DNAH7: variants seen among roughly 807,000 people sequenced by gnomAD.
The protein encoded by DNAH7 is dynein axonemal heavy chain 7, also known as axonemal beta dynein heavy chain 7.
Under a neutral mutation model 444.6 loss-of-function variants are expected in DNAH7, and 397 were observed. That is an observed-to-expected ratio of 0.89 (90% CI 0.82 to 0.97). DNAH7 has a LOEUF of 0.97. DNAH7 is among the 50% of genes least tolerant of loss of function. The probability of loss-of-function intolerance (pLI) is 0.00; values close to 1 mark genes in which losing one functional copy is unlikely to be tolerated. For synonymous variants in DNAH7, 1,636 were observed against 1,624.4 expected, an observed-to-expected ratio of 1.01 and a Z score of -0.17; for missense variants, 4,902 against 4,800.8, an observed-to-expected ratio of 1.02 and a Z score of -0.62.
chr2:195,976,197 C>T (rs1692175111), intron 15 of DNAH7, among the ~76,000 whole-genome samples: 1 of 151,642 alleles, frequency 6.6e-6, no homozygotes, highest in African/African-American at 2.4e-5. Flanking sequence ...GGGGAGCCCA[C>T]TTTTGTGAAA....
At chr2:195,873,723 A>C (rs776024828) in intron 38 of DNAH7, 29 bp from the exon 39 acceptor site, 2 of 1,482,260 alleles carry the variant, frequency 1.3e-6, no homozygotes, top group Admixed American at 5.1e-5. Flanking sequence ...AACTCTTAAT[A>C]ATGTTACTAG....
chr2:195,905,891 C>G (rs1686984673), intron 27 of DNAH7: 1 of 151,866 alleles, frequency 6.6e-6, no homozygotes, highest in Admixed American at 6.6e-5. Context: ...TATCTTAGTC[C>G]CATGACTCCA....
At chr2:196,024,401 A>T in intron 8 of DNAH7, 28 bp downstream of exon 8, 2 of 1,482,114 alleles carry the variant, frequency 1.3e-6, no homozygotes, top group Non-Finnish European at 1.8e-6. Flanking sequence ...CACATAATCA[A>T]CATTCTTAGA....
At chr2:195,756,364 T>C in intron 61 of DNAH7, 79 bp from the exon 62 acceptor site, 2 of 1,217,786 alleles carry the variant, frequency 1.6e-6, no homozygotes, top group African/African-American at 3.1e-5. Context: ...AAATACCTCC[T>C]TCATGATTAT....
chr2:195,873,232 T>G (rs1007842650), intron 39 of DNAH7, among the ~76,000 whole-genome samples: 2 of 152,206 alleles, frequency 1.3e-5, no homozygotes, highest in East Asian at 1.9e-4. Context: ...CTTCTCAGAC[T>G]TGGACACGAA....
intron 54 of DNAH7, among the ~76,000 whole-genome samples, chr2:195,805,443 T>C (rs989462558): frequency 2.0e-5 from 3 of 152,100 alleles, no homozygotes; most frequent in Non-Finnish European, 2.9e-5. Context: ...AAGTGAAAAC[T>C]TGTGAGGCTT....
chr2:196,066,092 T>C (rs1698413877), intron 1 of DNAH7, among the ~76,000 whole-genome samples: 1 of 152,230 alleles, frequency 6.6e-6, no homozygotes, highest in African/African-American at 2.4e-5. Flanking sequence ...TTAAATAGCC[T>C]GGCTTTGCAT....
At position 195,894,976 on chromosome 2, in the gene DNAH7, CT is replaced by C; in HGVS notation, c.4895del (p.Lys1632ArgfsTer3). On this transcript the variant is annotated frameshift_variant and splice_region_variant, in exon 30 of 65. Coordinates refer to ENST00000312428, the MANE Select transcript of DNAH7 (RefSeq NM_018897.3). LOFTEE classifies it high-confidence loss of function. Reference protein sequence around the residue: ...LAGALNDICEKGLMEENKVQI... With the variant: ...LAGALNDICEXGLMEENKVQI... The stretch of plus-strand genomic sequence containing the variant: ...ATTAATGCATTAATAATATACTTGC[CT>C]TTTCACATATATCATTTAGTGCTCC... The C allele has an allele frequency of 6.3e-7, 1 of 1,597,862 alleles. No individual in the cohort carries two copies. Among genetic ancestry groups the C allele is most frequent in the Non-Finnish European group, 8.5e-7 (1 of 1,170,558 alleles).
chr2:195,984,327 C>A (rs1692765650), intron 15 of DNAH7, among the ~76,000 whole-genome samples: 1 of 152,070 alleles, frequency 6.6e-6, no homozygotes, highest in African/African-American at 2.4e-5. Flanking sequence ...TTTTGAAAGT[C>A]ATTATTATTT....
chr2:195,785,339 G>T (rs1320659984), intron 58 of DNAH7, among the ~76,000 whole-genome samples: 2 of 152,152 alleles, frequency 1.3e-5, no homozygotes, highest in Non-Finnish European at 2.9e-5. Context: ...GTCTGTGTGT[G>T]TGTGTGTTTT....
chr2:196,000,736 G>A lies in DNAH7; in HGVS notation c.1321C>T (p.Pro441Ser), dbSNP rs749408055. ...GAATACAATTTTGTCTCAACTCTTG[G>A]CACAAAACTGACAGCTTTAATCATG... ...DVMIKAVSFV[P>S]RVETKLYSKW... The change falls in exon 12 of 65, where the codon CCA becomes TCA. Residue 441 changes from proline to serine, a missense_variant. By Grantham distance (74) the Pro-to-Ser change is moderately conservative. Transcript: ENST00000312428. The A allele has an allele frequency of 3.2e-6, 5 of 1,584,756 alleles. No individual in the cohort carries two copies. The highest frequency in any genetic ancestry group is 3.4e-6 in the Non-Finnish European group (4 of 1,165,860).
At chr2:195,970,713 T>C (rs1463000794) in intron 16 of DNAH7, among the ~76,000 whole-genome samples, 1 of 152,196 alleles carries the variant, frequency 6.6e-6, no homozygotes, top group Non-Finnish European at 1.5e-5. Flanking sequence ...TATTACATAA[T>C]TGGTATTGGT....
chr2:195,778,123 C>T (rs1355965957), intron 58 of DNAH7, 138 bp from the exon 59 acceptor site: 10 of 733,456 alleles, frequency 1.4e-5, no homozygotes, highest in Non-Finnish European at 2.0e-5. Flanking sequence ...TGCTTCCCTG[C>T]TAATTGTTGC....
intron 47 of DNAH7, among the ~76,000 whole-genome samples, chr2:195,842,975 T>C (rs557968004): frequency 5.3e-5 from 8 of 152,284 alleles, no homozygotes; most frequent in African/African-American, 1.7e-4. Context: ...ACTACTAATA[T>C]GTAGGACATG....
At position 195,858,537 on chromosome 2, in the gene DNAH7, G is replaced by GT. The variant is rs780201954; in HGVS notation, c.8003dup (p.Asp2668GlufsTer17). 6.2e-7 allele frequency: 1 copy of GT among 1,613,744 alleles called. No homozygotes were observed. ...CTAATATTGGCAAGGCACCTGCCAGGTCAGCATCGCACTCATCTTTGATGG... is the reference window on the plus strand; with the variant it reads ...CTAATATTGGCAAGGCACCTGCCAGGTTCAGCATCGCACTCATCTTTGATGG... On this transcript the variant is annotated frameshift_variant, in exon 43 of 65. Coordinates refer to ENST00000312428, the MANE Select transcript of DNAH7 (RefSeq NM_018897.3). LOFTEE classifies it high-confidence loss of function.
At chr2:195,771,370 G>T (rs1464158450) in intron 61 of DNAH7, among the ~76,000 whole-genome samples, 1 of 151,722 alleles carries the variant, frequency 6.6e-6, no homozygotes, top group African/African-American at 2.4e-5. Context: ...ATGAAAAAAT[G>T]TGCTTTATGA....
At chr2:195,748,090 T>C (rs940713691) in intron 63 of DNAH7, among the ~76,000 whole-genome samples, 3 of 152,130 alleles carry the variant, frequency 2.0e-5, no homozygotes, top group Non-Finnish European at 4.4e-5. Context: ...AAAACCCCAT[T>C]GTCTCAGCCC....
intron 55 of DNAH7, 52 bp downstream of exon 55, chr2:195,799,244 A>T: frequency 2.2e-6 from 3 of 1,384,618 alleles, no homozygotes; most frequent in Non-Finnish European, 2.9e-6. Context: ...AATTATAAGC[A>T]AGTATTGCTT....
At chr2:195,913,214 T>C (rs1384060631) in intron 24 of DNAH7, among the ~76,000 whole-genome samples, 2 of 152,156 alleles carry the variant, frequency 1.3e-5, no homozygotes, top group African/African-American at 4.8e-5. Context: ...CAAAGTTTAA[T>C]TTAGTATTTG....
Sources: allele counts gnomAD v4.1 joint callset (sites outside exome capture counted in the v4.1 genomes callset), GRCh38; gene constraint gnomAD v4.1.1; transcripts MANE v1.5; gene names NCBI Gene and HGNC (gene_info 2026-07-23, HGNC 2026-07-21).